Variants in SLC41A2 observed in about 807,000 individuals in gnomAD.
SLC41A2 encodes the protein solute carrier family 41 member 2.
SLC41A2 carries 32 observed loss-of-function variants against 58.3 expected under a neutral mutation model. That is an observed-to-expected ratio of 0.55 (90% CI 0.41 to 0.74). The LOEUF (loss-of-function observed/expected upper bound fraction) is 0.74, where lower values mean the gene tolerates loss of function less well. Among genes scored for constraint, SLC41A2 ranks in the 30% least tolerant of loss-of-function variants. The pLI, the probability that SLC41A2 is intolerant of heterozygous loss-of-function variation, is 0.00. For synonymous variants in SLC41A2, 190 were observed against 235.0 expected (o/e 0.81, Z 1.75); for missense variants, 514 against 680.6 (o/e 0.76, Z 2.72).
rs992862737 is a variant in SLC41A2 at position 104,805,164 on chromosome 12, A to G, written c.1710T>C (p.Asp570=). The G allele has an allele frequency of 2.5e-6, 4 of 1,610,060 alleles. No homozygotes were observed. In the African/African-American group the frequency reaches 4.0e-5, roughly 16 times the overall value. Residue 570 remains aspartate, a synonymous_variant, in exon 11 of 11, where the codon GAT becomes GAC. Transcript: ENST00000258538. The part of the protein sequence containing the change: ...FLWLIGDRDG[D]VGD Reference sequence around the variant, plus strand: ...TTTGTAGAATTTATTAGTCTCCAACATCTCCATCTCGATCTCCAATAAGCC... The same window carrying G: ...TTTGTAGAATTTATTAGTCTCCAACGTCTCCATCTCGATCTCCAATAAGCC...
chr12:104,895,756 T>C (rs1403427643), intron 3 of SLC41A2, among the ~76,000 whole-genome samples: 1 of 152,152 alleles, frequency 6.6e-6, no homozygotes, highest in Non-Finnish European at 1.5e-5. Flanking sequence ...AAAGAATTAT[T>C]GACCCAAAAA....
At chr12:104,900,762 T>C (rs775353464) in intron 3 of SLC41A2, among the ~76,000 whole-genome samples, 7 of 152,232 alleles carry the variant, frequency 4.6e-5, no homozygotes, top group Non-Finnish European at 7.3e-5. Flanking sequence ...TAGGAAATAA[T>C]ACTGAGATTG....
At chr12:104,834,558 G>T (rs1483711181) in intron 10 of SLC41A2, among the ~76,000 whole-genome samples, 1 of 152,062 alleles carries the variant, frequency 6.6e-6, no homozygotes, top group Non-Finnish European at 1.5e-5. Flanking sequence ...GAATCTGGTA[G>T]AATTAAATCC....
intron 7 of SLC41A2, 96 bp downstream of exon 7, chr12:104,866,336 C>A: frequency 7.5e-7 from 1 of 1,329,098 alleles, no homozygotes; most frequent in South Asian, 2.6e-5. Flanking sequence ...TTTTAATATG[C>A]ATGTACATAT....
Position 104,803,950 on chromosome 12 carries a change from A to AAAAT in SLC41A2, c.*1198_*1201dup, listed in dbSNP as rs2040795235. On this transcript the variant is annotated 3_prime_UTR_variant, in exon 11 of 11. Coordinates refer to ENST00000258538, the MANE Select transcript of SLC41A2 (RefSeq NM_001352171.3). ...ATTATATTAAATAGTACTACTTTTT[A>AAAAT]AAATAAGAAATTATTAATTATTAAT... 6.6e-6 allele frequency: 1 copy of AAAAT among 151,904 alleles called. No homozygotes were observed. The highest frequency in any genetic ancestry group is 6.6e-5 in the Admixed American group (1 of 15,236). 9.4% of individuals were successfully genotyped at this position (151,904 alleles called of 1,614,324 possible).
intron 2 of SLC41A2, among the ~76,000 whole-genome samples, chr12:104,911,708 G>A (rs1482007264): frequency 2.0e-5 from 3 of 152,136 alleles, no homozygotes; most frequent in Non-Finnish European, 4.4e-5. Context: ...AGAGACCTCA[G>A]AAAATATTTA....
chr12:104,877,660 T>A (rs1335943570), intron 6 of SLC41A2, among the ~76,000 whole-genome samples: 2 of 152,186 alleles, frequency 1.3e-5, no homozygotes, highest in African/African-American at 4.8e-5. Flanking sequence ...CACATTATGA[T>A]TAAGTCTTTT....
intron 10 of SLC41A2, among the ~76,000 whole-genome samples, chr12:104,808,627 G>A (rs1313502466): frequency 1.3e-4 from 20 of 152,120 alleles, no homozygotes; most frequent in Non-Finnish European, 1.0e-4. Context: ...GATTGGAATA[G>A]TTTCAGAAGG....
intron 6 of SLC41A2, among the ~76,000 whole-genome samples, chr12:104,869,592 C>T (rs889685044): frequency 3.9e-5 from 6 of 152,058 alleles, no homozygotes; most frequent in South Asian, 4.1e-4. Flanking sequence ...ACCCAAATTT[C>T]CAAATGTTTA....
rs1286590180 is a variant in SLC41A2, at chr12:104,909,649, A to ACC, written c.663+5_663+6insGG. On this transcript the variant is annotated splice_donor_region_variant and intron_variant, in intron 3 of 10. Transcript: ENST00000258538. The stretch of plus-strand genomic sequence containing the variant: ...TACACATAATTTGAGGTAGGAAAAA[A>ACC]CTTACTGCAGTGGATAATCTGGATG... 1 of 1,593,384 alleles carries ACC rather than the reference A, an allele frequency of 6.3e-7. No homozygotes were observed. Among genetic ancestry groups the ACC allele is most frequent in the Admixed American group, 1.7e-5 (1 of 57,388 alleles).
At chr12:104,864,808 T>C (rs1345279659) in intron 7 of SLC41A2, among the ~76,000 whole-genome samples, 1 of 152,200 alleles carries the variant, frequency 6.6e-6, no homozygotes, top group Non-Finnish European at 1.5e-5. Flanking sequence ...GTTCCTATAT[T>C]ATGAATATTA....
intron 6 of SLC41A2, among the ~76,000 whole-genome samples, chr12:104,871,306 G>A (rs2043761644): frequency 6.6e-6 from 1 of 152,078 alleles, no homozygotes; most frequent in Non-Finnish European, 1.5e-5. Flanking sequence ...AATCTTCTTG[G>A]AACTTATGCA....
chr12:104,931,547 T>A (rs1018184076), intron 1 of SLC41A2: 1 of 152,118 alleles, frequency 6.6e-6, no homozygotes, highest in Non-Finnish European at 1.5e-5. Flanking sequence ...AAAACAATAA[T>A]CAGGTAAGCA....
intron 1 of SLC41A2, among the ~76,000 whole-genome samples, chr12:104,937,347 A>G (rs1395285191): frequency 6.6e-6 from 1 of 152,194 alleles, no homozygotes; most frequent in Non-Finnish European, 1.5e-5. Flanking sequence ...ATACAGGTGT[A>G]TCATTTTTTA....
At chr12:104,921,313 A>G (rs1297542605) in intron 2 of SLC41A2, among the ~76,000 whole-genome samples, 2 of 152,052 alleles carry the variant, frequency 1.3e-5, no homozygotes, top group Non-Finnish European at 2.9e-5. Context: ...CCCAAATAAG[A>G]CTACCCCAAG....
chr12:104,921,711 C>A lies in SLC41A2; in HGVS notation c.555+6262G>T, dbSNP rs540831685. ...TGGTAAAACTAAGTGCACAGCAAAACCAAGAATACTCTAATACTGTAATTA... is the reference window on the plus strand; with the variant it reads ...TGGTAAAACTAAGTGCACAGCAAAAACAAGAATACTCTAATACTGTAATTA... On this transcript the variant is annotated intron_variant, in intron 2 of 10. Coordinates refer to ENST00000258538, the MANE Select transcript of SLC41A2 (RefSeq NM_001352171.3). 2.6e-5 allele frequency among the ~76,000 whole-genome samples: 4 copies of A among 152,246 alleles called. No individual in the cohort carries two copies. The South Asian group carries it at 8.3e-4, about 32-fold the overall frequency.
chr12:104,889,395 G>A (rs1179626443), intron 4 of SLC41A2, among the ~76,000 whole-genome samples: 1 of 152,068 alleles, frequency 6.6e-6, no homozygotes, highest in Non-Finnish European at 1.5e-5. Context: ...AGTATGGAAC[G>A]GAGTCCAGGA....
intron 3 of SLC41A2, among the ~76,000 whole-genome samples, chr12:104,902,186 G>GA (rs57022962): frequency 0.63 from 95,161 of 151,448 alleles, 30,572 homozygotes; most frequent in African/African-American, 0.76. Flanking sequence ...AAGTTAAAAA[G>GA]AGACCATACT....
chr12:104,898,449 GA>G lies in SLC41A2; in HGVS notation c.664-3105del, dbSNP rs749882993. Reference sequence around the variant, plus strand: ...AATATAGCCACTACAATTAATACTAGAAAAAAATATGTTTAATGAATAAATA... The same window carrying G: ...AATATAGCCACTACAATTAATACTAGAAAAAATATGTTTAATGAATAAATA... On this transcript the variant is annotated intron_variant, in intron 3 of 10. Coordinates refer to ENST00000258538, the MANE Select transcript of SLC41A2 (RefSeq NM_001352171.3). Among the ~76,000 whole-genome samples the G allele has an allele frequency of 1.8e-4, 26 of 146,846 alleles. No homozygotes were observed. In the East Asian group the frequency reaches 4.2e-3, roughly 24 times the overall value.
Sources: allele counts gnomAD v4.1 joint callset (sites outside exome capture counted in the v4.1 genomes callset), GRCh38; gene constraint gnomAD v4.1.1; transcripts MANE v1.5; gene names NCBI Gene and HGNC (gene_info 2026-07-23, HGNC 2026-07-21).